Variants in AFG2A observed in about 807,000 individuals in gnomAD.
AFG2A encodes AAA ATPase AFG2A, also known as ATPase family gene 2 protein homolog A.
At chr4:123,291,217 G>A in the AFG2A span, among the ~76,000 whole-genome samples, 1 of 151,982 alleles carries the variant, frequency 6.6e-6, no homozygotes, top group Admixed American at 6.6e-5. Flanking sequence ...CAGTTAGGTG[G>A]GTCCCTTGAA....
At chr4:123,297,700 CAG>C in the AFG2A span, among the ~76,000 whole-genome samples, 2 of 143,606 alleles carry the variant, frequency 1.4e-5, no homozygotes, top group Non-Finnish European at 3.0e-5. Context: ...GCCTGGGGGA[CAG>C]AGTGAGACTC....
At chr4:123,277,813 G>A in the AFG2A span, among the ~76,000 whole-genome samples, 5 of 152,286 alleles carry the variant, frequency 3.3e-5, no homozygotes, top group African/African-American at 9.6e-5. Context: ...TTGCATTCCA[G>A]GGATAAAGCC....
chr4:123,187,853 G>A, the AFG2A span, among the ~76,000 whole-genome samples: 1 of 151,976 alleles, frequency 6.6e-6, no homozygotes, highest in African/African-American at 2.4e-5. Flanking sequence ...AAAATTAGCT[G>A]GGTATAGTGG....
chr4:123,294,596 A>G, the AFG2A span, among the ~76,000 whole-genome samples: 1 of 152,214 alleles, frequency 6.6e-6, no homozygotes, highest in Admixed American at 6.5e-5. Flanking sequence ...GTTGAAGCCA[A>G]CATGCCTGGG....
chr4:123,242,102 A>T, the AFG2A span, among the ~76,000 whole-genome samples: 1 of 152,322 alleles, frequency 6.6e-6, no homozygotes, highest in Non-Finnish European at 1.5e-5. Flanking sequence ...GGAGAACTAC[A>T]AGCCACTGCT....
chr4:123,149,218 A>C, the AFG2A span, among the ~76,000 whole-genome samples: 2 of 152,190 alleles, frequency 1.3e-5, no homozygotes, highest in East Asian at 3.9e-4. Flanking sequence ...ATGGAGATAA[A>C]ACTAGATAAG....
chr4:122,947,332 G>A, the AFG2A span: 1 of 1,614,060 alleles, frequency 6.2e-7, no homozygotes. Context: ...TAAAGAGATT[G>A]AGATTGGAGT....
the AFG2A span, among the ~76,000 whole-genome samples, chr4:123,029,555 T>C: frequency 6.6e-6 from 1 of 152,158 alleles, no homozygotes; most frequent in African/African-American, 2.4e-5. Flanking sequence ...CTGGAAGATA[T>C]TGGAGAGTAA....
At chr4:123,179,914 TA>T in the AFG2A span, among the ~76,000 whole-genome samples, 1 of 152,244 alleles carries the variant, frequency 6.6e-6, no homozygotes, top group Middle Eastern at 3.4e-3. Context: ...GGAAAGCTAA[TA>T]AAGAACTTAG....
At chr4:122,936,216 G>C in the AFG2A span, 1 of 1,328,882 alleles carries the variant, frequency 7.5e-7, no homozygotes, top group South Asian at 1.4e-5. Flanking sequence ...GTCAAAGTGA[G>C]ATACTAGCAC....
the AFG2A span, among the ~76,000 whole-genome samples, chr4:122,960,147 T>C: frequency 6.6e-6 from 1 of 152,216 alleles, no homozygotes. Flanking sequence ...GGGCAAGTTG[T>C]TTACAAGCTA....
At chr4:122,986,810 G>A in the AFG2A span, among the ~76,000 whole-genome samples, 1 of 152,148 alleles carries the variant, frequency 6.6e-6, no homozygotes, top group Non-Finnish European at 1.5e-5. Flanking sequence ...ATTGGTTGTA[G>A]TGTTCTGTAT....
At chr4:123,201,473 C>A in the AFG2A span, among the ~76,000 whole-genome samples, 2 of 152,170 alleles carry the variant, frequency 1.3e-5, no homozygotes, top group Admixed American at 1.3e-4. Flanking sequence ...ATTTGCTAAT[C>A]TTTATCAAGT....
At chr4:123,110,471 A>G in the AFG2A span, among the ~76,000 whole-genome samples, 1 of 152,222 alleles carries the variant, frequency 6.6e-6, no homozygotes, top group Admixed American at 6.5e-5. Context: ...TAATCCAAGC[A>G]AAACTATCAT....
the AFG2A span, among the ~76,000 whole-genome samples, chr4:123,120,932 C>T: frequency 6.6e-6 from 1 of 151,968 alleles, no homozygotes; most frequent in Admixed American, 6.6e-5. Context: ...GCAGGTCCTA[C>T]AGGGGATATT....
the AFG2A span, among the ~76,000 whole-genome samples, chr4:123,150,947 G>A: frequency 6.6e-6 from 1 of 152,204 alleles, no homozygotes; most frequent in South Asian, 2.1e-4. Context: ...CAGAACAGAG[G>A]CCTCAGAAAT....
At chr4:123,275,669 C>A in the AFG2A span, among the ~76,000 whole-genome samples, 1 of 152,028 alleles carries the variant, frequency 6.6e-6, no homozygotes, top group Non-Finnish European at 1.5e-5. Context: ...CTCAAGTAGG[C>A]CCCAGTGTCT....
chr4:122,932,043 G>T, the AFG2A span, among the ~76,000 whole-genome samples: 2 of 152,096 alleles, frequency 1.3e-5, no homozygotes, highest in African/African-American at 4.8e-5. Context: ...GAGGTGGGTG[G>T]ATCGCCTGAA....
chr4:123,236,716 G>A, the AFG2A span, among the ~76,000 whole-genome samples: 2 of 152,212 alleles, frequency 1.3e-5, no homozygotes, highest in African/African-American at 4.8e-5. Flanking sequence ...AAACTAACTT[G>A]TACAAGCCAT....
Sources: gnomAD v4.1 joint callset for allele counts (sites outside exome capture counted in the v4.1 genomes callset) on GRCh38, gnomAD v4.1.1 for gene constraint, MANE v1.5 for transcripts, NCBI Gene and HGNC (gene_info 2026-07-23, HGNC 2026-07-21) for gene names.